The following LRFN2 variants were observed in gnomAD, a reference collection of about 807,000 sequenced individuals.
LRFN2 encodes the protein leucine rich repeat and fibronectin type III domain containing 2, also known as leucine-rich repeat and fibronectin type-III domain-containing protein 2.
Under a neutral mutation model 37.3 loss-of-function variants are expected in LRFN2, and 18 were observed. The ratio of observed to expected loss-of-function variants is 0.48; its 90% CI spans 0.33 to 0.72. The LOEUF is 0.72. Among genes scored for constraint, LRFN2 ranks in the 30% least tolerant of loss-of-function variants. The pLI, the probability that LRFN2 is intolerant of heterozygous loss-of-function variation, is 0.02. For missense variants in LRFN2, 1,006 were observed against 1,060.7 expected (o/e 0.95, Z 0.72); for synonymous variants, 556 against 466.6 (o/e 1.19, Z -2.47).
At chr6:40,437,604 A>T (rs914020533) in intron 1 of LRFN2, among the ~76,000 whole-genome samples, 1 of 152,194 alleles carries the variant, frequency 6.6e-6, no homozygotes. Flanking sequence ...ACTGACAGAG[A>T]AGTGACTATT....
At chr6:40,430,885 C>G (rs979496052) in intron 2 of LRFN2, among the ~76,000 whole-genome samples, 2 of 152,132 alleles carry the variant, frequency 1.3e-5, no homozygotes, top group Non-Finnish European at 2.9e-5. Context: ...CTCTAGGGCT[C>G]TAAGTAGGCT....
intron 1 of LRFN2, among the ~76,000 whole-genome samples, chr6:40,449,402 C>T (rs1764050486): frequency 6.6e-6 from 1 of 152,240 alleles, no homozygotes; most frequent in Non-Finnish European, 1.5e-5. Context: ...CTCCCTTGTA[C>T]TCAGTTGCAG....
chr6:40,549,618 T>C (rs1347114789), intron 1 of LRFN2, among the ~76,000 whole-genome samples: 1 of 152,118 alleles, frequency 6.6e-6, no homozygotes, highest in Admixed American at 6.6e-5. Flanking sequence ...TAATCTGGAG[T>C]CTGGTAGGGA....
chr6:40,440,182 C>A (rs2113833340), intron 1 of LRFN2, among the ~76,000 whole-genome samples: 1 of 152,202 alleles, frequency 6.6e-6, no homozygotes, highest in East Asian at 1.9e-4. Flanking sequence ...AGAATGAGCC[C>A]ATTAGGCTCT....
chr6:40,467,651 C>T (rs987473287), intron 1 of LRFN2, among the ~76,000 whole-genome samples: 1 of 152,164 alleles, frequency 6.6e-6, no homozygotes, highest in Non-Finnish European at 1.5e-5. Context: ...AGGACATCTC[C>T]ATGGCAGGAG....
intron 1 of LRFN2, among the ~76,000 whole-genome samples, chr6:40,564,835 C>T (rs1767060344): frequency 6.6e-6 from 1 of 152,124 alleles, no homozygotes; most frequent in African/African-American, 2.4e-5. Flanking sequence ...CCACAATACC[C>T]ATCTCCACCA....
chr6:40,423,334 G>T (rs1220825924), intron 2 of LRFN2, among the ~76,000 whole-genome samples: 4 of 152,196 alleles, frequency 2.6e-5, no homozygotes, highest in Non-Finnish European at 4.4e-5. Flanking sequence ...GCAGGCTGGG[G>T]AATAGGGACT....
Position 40,431,162 on chromosome 6 carries a change from G to C in LRFN2, c.1400+552C>G, listed in dbSNP as rs551096620. ...CCAAAACTGAATAAGTGCATTTAGT[G>C]AGTGTCCAAACTAAGTCAGGTATTA... On this transcript the variant is annotated intron_variant, in intron 2 of 2. Transcript: ENST00000338305. Among the ~76,000 whole-genome samples the C allele has an allele frequency of 5.8e-4, 88 of 152,102 alleles. 1 individual carries two copies. The South Asian group carries it at 8.7e-3, about 15-fold the overall frequency.
chr6:40,579,907 C>T (rs952340098), intron 1 of LRFN2, among the ~76,000 whole-genome samples: 3 of 152,040 alleles, frequency 2.0e-5, no homozygotes, highest in Admixed American at 6.5e-5. Context: ...GCCATCAAGT[C>T]GTGAAAGGGA....
intron 1 of LRFN2, among the ~76,000 whole-genome samples, chr6:40,552,763 AC>A (rs765007716): frequency 1.3e-5 from 2 of 152,084 alleles, no homozygotes; most frequent in Non-Finnish European, 2.9e-5. Flanking sequence ...TACTCTAATT[AC>A]CCTACCCCAG....
chr6:40,546,594 T>A (rs1766667973), intron 1 of LRFN2, among the ~76,000 whole-genome samples: 1 of 152,220 alleles, frequency 6.6e-6, no homozygotes, highest in South Asian at 2.1e-4. Flanking sequence ...TGAGATTCAC[T>A]GACTTTGGAG....
chr6:40,454,060 C>T (rs977603729), intron 1 of LRFN2, among the ~76,000 whole-genome samples: 2 of 152,174 alleles, frequency 1.3e-5, no homozygotes, highest in Non-Finnish European at 2.9e-5. Context: ...AGTTGGGATG[C>T]TCCAGACCAA....
chr6:40,503,355 C>G (rs1193869361), intron 1 of LRFN2, among the ~76,000 whole-genome samples: 1 of 152,068 alleles, frequency 6.6e-6, no homozygotes, highest in Non-Finnish European at 1.5e-5. Flanking sequence ...ACTGACTAGT[C>G]GCAGTAATGG....
intron 1 of LRFN2, among the ~76,000 whole-genome samples, chr6:40,495,986 C>T (rs965607044): frequency 5.3e-5 from 8 of 152,240 alleles, no homozygotes; most frequent in African/African-American, 1.9e-4. Flanking sequence ...AAAATACATT[C>T]CCTCTTCTCA....
chr6:40,431,497 T>C (rs971698402), intron 2 of LRFN2, among the ~76,000 whole-genome samples: 12 of 152,200 alleles, frequency 7.9e-5, no homozygotes, highest in African/African-American at 2.9e-4. Flanking sequence ...TACACATATC[T>C]CTCAGGCTGC....
At chr6:40,559,328 C>T (rs1263985475) in intron 1 of LRFN2, among the ~76,000 whole-genome samples, 4 of 152,174 alleles carry the variant, frequency 2.6e-5, no homozygotes, top group South Asian at 2.1e-4. Context: ...AGTCTATTGC[C>T]GGATGCCACT....
intron 1 of LRFN2, among the ~76,000 whole-genome samples, chr6:40,557,092 T>G (rs549668798): frequency 5.3e-5 from 8 of 152,280 alleles, no homozygotes; most frequent in Admixed American, 4.6e-4. Flanking sequence ...TCTGCCACAA[T>G]GCAAAGACTT....
chr6:40,566,776 C>G (rs1188559666), intron 1 of LRFN2, among the ~76,000 whole-genome samples: 1 of 151,642 alleles, frequency 6.6e-6, no homozygotes, highest in Non-Finnish European at 1.5e-5. Context: ...GGAGATATAC[C>G]TAATGCTAAA....
intron 1 of LRFN2, among the ~76,000 whole-genome samples, chr6:40,489,157 C>T (rs1214420033): frequency 6.6e-6 from 1 of 152,140 alleles, no homozygotes; most frequent in Non-Finnish European, 1.5e-5. Context: ...ACCCTGCCTG[C>T]CTCCATCTCA....
Sources: gnomAD v4.1 joint callset for allele counts (sites outside exome capture counted in the v4.1 genomes callset) on GRCh38, gnomAD v4.1.1 for gene constraint, MANE v1.5 for transcripts, NCBI Gene and HGNC (gene_info 2026-07-23, HGNC 2026-07-21) for gene names.